HK2: variants seen among roughly 807,000 people sequenced by gnomAD.
The protein encoded by HK2 is hexokinase 2, also known as hexokinase-2.
In HK2, 42 loss-of-function variants were observed where a neutral mutation model predicts 92.9. That is an observed-to-expected ratio of 0.45 (90% CI 0.35 to 0.58). The LOEUF is 0.58. Ranked by LOEUF, HK2 falls within the 20% of genes least tolerant of loss-of-function variation. HK2 has a pLI of 0.00. For missense variants in HK2, 978 were observed against 1,245.1 expected (o/e 0.79, Z 3.23); for synonymous variants, 422 against 468.0 (o/e 0.90, Z 1.27).
intron 15 of HK2, 55 bp from the exon 16 acceptor site, chr2:74,887,848 C>G (rs1689575657): frequency 6.3e-7 from 1 of 1,584,508 alleles, no homozygotes; most frequent in Non-Finnish European, 8.7e-7. Context: ...TGTCCTGTCT[C>G]AACACATCCC....
At chr2:74,861,234 A>G (rs1352170690) in intron 2 of HK2, among the ~76,000 whole-genome samples, 5 of 152,164 alleles carry the variant, frequency 3.3e-5, no homozygotes, top group African/African-American at 1.2e-4. Flanking sequence ...AGCCTGGCCA[A>G]CATGTTGAAA....
chr2:74,889,702 A>T (rs1391299880), intron 17 of HK2, among the ~76,000 whole-genome samples: 3 of 152,014 alleles, frequency 2.0e-5, no homozygotes, highest in African/African-American at 7.2e-5. Flanking sequence ...CTGTGTCATC[A>T]TTCTCCCATG....
chr2:74,880,470 A>G lies in HK2; in HGVS notation c.1471A>G (p.Met491Val), dbSNP rs1201566005. The change falls in exon 10 of 18, where the codon ATG becomes GTG. Residue 491 changes from methionine (M) to valine (V), a missense_variant. By Grantham distance (21) the Met-to-Val change is conservative (BLOSUM62 1). Coordinates refer to ENST00000290573, the MANE Select transcript of HK2 (RefSeq NM_000189.5). ...CCAGCTGCTGGAGGTCAAGAGGAGG[A>G]TGAAGGTAGAAATGGAGCGAGGTCT... ...HDQLLEVKRR[M>V]KVEMERGLSK... The G allele has an allele frequency of 2.5e-6, 4 of 1,614,176 alleles. No individual in the cohort carries two copies. The highest frequency in any genetic ancestry group is 2.5e-6 in the Non-Finnish European group (3 of 1,180,026).
intron 4 of HK2, 133 bp downstream of exon 4, chr2:74,872,552 G>T: frequency 1.1e-6 from 1 of 931,186 alleles, no homozygotes; most frequent in East Asian, 4.9e-5. Context: ...GCCTTTCTGG[G>T]TGACTGTGTA....
At chr2:74,850,568 G>C (rs547627028) in intron 1 of HK2, among the ~76,000 whole-genome samples, 5 of 152,240 alleles carry the variant, frequency 3.3e-5, no homozygotes, top group Admixed American at 2.6e-4. Flanking sequence ...ATACTTTTCA[G>C]CTGCAGTCCC....
intron 2 of HK2, among the ~76,000 whole-genome samples, chr2:74,861,184 T>C (rs1455399702): frequency 1.3e-5 from 2 of 152,128 alleles, no homozygotes; most frequent in Admixed American, 1.3e-4. Flanking sequence ...TCCTAACACT[T>C]TGGGAGGCCA....
chr2:74,874,095 A>T, intron 6 of HK2, 152 bp downstream of exon 6: 1 of 984,152 alleles, frequency 1.0e-6, no homozygotes. Context: ...GCAGGGACTC[A>T]TGGAGTTGGG....
rs150577922 is a variant in HK2, at chr2:74,859,476, G to A, written c.226+5021G>A. Reference sequence around the variant, plus strand: ...CTGAGGCGGGCAGATCACAAGGTCAGGAGATCGAGATCATCCTGGCTAACA... The same window carrying A: ...CTGAGGCGGGCAGATCACAAGGTCAAGAGATCGAGATCATCCTGGCTAACA... On this transcript the variant is annotated intron_variant, in intron 2 of 17. Transcript: ENST00000290573. 6.3e-3 allele frequency among the ~76,000 whole-genome samples: 955 copies of A among 152,290 alleles called. 12 individuals carry two copies. The highest frequency in any genetic ancestry group is 0.021 in the African/African-American group (881 of 41,564).
At chr2:74,854,796 G>C (rs551775683) in intron 2 of HK2, among the ~76,000 whole-genome samples, 6 of 152,160 alleles carry the variant, frequency 3.9e-5, no homozygotes, top group East Asian at 1.9e-4. Flanking sequence ...TACAACAAAC[G>C]TACCTCACGT....
At chr2:74,855,600 G>A (rs115106243) in intron 2 of HK2, among the ~76,000 whole-genome samples, 3,063 of 152,312 alleles carry the variant, frequency 0.02, 112 homozygotes, top group African/African-American at 0.071. Flanking sequence ...AAAGGATCAC[G>A]GTGGAGATTC....
In HK2 at chr2:74,860,279, C is replaced by T. The variant is rs192962333; in HGVS notation, c.226+5824C>T. Among the ~76,000 whole-genome samples the T allele has an allele frequency of 2.8e-4, 43 of 152,234 alleles. 1 individual carries two copies. In the East Asian group the frequency reaches 7.7e-3, roughly 27 times the overall value. On this transcript the variant is annotated intron_variant, in intron 2 of 17. Coordinates refer to ENST00000290573, the MANE Select transcript of HK2 (RefSeq NM_000189.5). Reference sequence around the variant, plus strand: ...TTGGATACACTAAAAGCCCTCACTTCACCATTGTGCAGTATATCCATGTAA... The same window carrying T: ...TTGGATACACTAAAAGCCCTCACTTTACCATTGTGCAGTATATCCATGTAA...
At chr2:74,871,750 A>G (rs1368247555) in intron 3 of HK2, among the ~76,000 whole-genome samples, 1 of 152,232 alleles carries the variant, frequency 6.6e-6, no homozygotes, top group Non-Finnish European at 1.5e-5. Flanking sequence ...TGGAGAAAAA[A>G]ATATAAAAAT....
intron 3 of HK2, 70 bp downstream of exon 3, chr2:74,867,854 T>G: frequency 6.4e-6 from 10 of 1,567,602 alleles, no homozygotes; most frequent in Non-Finnish European, 8.8e-6. Flanking sequence ...CTGTACTTTC[T>G]CCAGCCGCTC....
At chr2:74,865,626 G>A (rs1022444045) in intron 2 of HK2, among the ~76,000 whole-genome samples, 2 of 152,146 alleles carry the variant, frequency 1.3e-5, no homozygotes, top group Non-Finnish European at 2.9e-5. Flanking sequence ...AACCCCAGAT[G>A]AGGGCGATGT....
At position 74,878,438 on chromosome 2, in the gene HK2, T is replaced by C. The variant is rs555572002; in HGVS notation, c.1032-250T>C. 5.9e-3 allele frequency among the ~76,000 whole-genome samples: 841 copies of C among 143,408 alleles called. 5 individuals carry two copies. The highest frequency in any genetic ancestry group is 0.023 in the South Asian group (106 of 4,606). 94.1% of individuals were successfully genotyped at this position (143,408 alleles called of 152,430 possible). A position where few individuals can be genotyped will look rare whatever the true frequency, so the allele number is the denominator to read the frequency against. On this transcript the variant is annotated intron_variant, in intron 8 of 17. Coordinates refer to ENST00000290573, the MANE Select transcript of HK2 (RefSeq NM_000189.5). The stretch of plus-strand genomic sequence containing the variant: ...CTGTGTGTGTGTGTGTGTGTGTGTG[T>C]GCGCACGCACATGCGTGTGCGTGTG...
At position 74,878,773 on chromosome 2, in the gene HK2, C is replaced by T. The variant is rs199992983; in HGVS notation, c.1117C>T (p.Arg373Trp). 52 of 1,583,748 alleles carry T rather than the reference C, an allele frequency of 3.3e-5. No individual in the cohort carries two copies. The highest frequency in any genetic ancestry group is 4.0e-5 in the Non-Finnish European group (47 of 1,165,186). Residue 373 changes from arginine to tryptophan, a missense_variant, in exon 9 of 18, where the codon CGG becomes TGG. Transcript: ENST00000290573. ...TCAGGAGGACTGCGTGGCCACTCAC[C>T]GGATCTGCCAGATCGTGTCCACACG... is the stretch of plus-strand genomic sequence containing the variant. ...PTQEDCVATH[R>W]ICQIVSTRSA...
rs930552093 is a variant in HK2, at chr2:74,873,841, C to T, written c.592-3C>T. ...GTCAGAGCCCTCCCATTTGTCTCCA[C>T]AGGACTTTGATATCGACATTGTGGC... On this transcript the variant is annotated splice_region_variant and splice_polypyrimidine_tract_variant and intron_variant, in intron 5 of 17. Transcript: ENST00000290573. 1 of 1,612,156 alleles carries T rather than the reference C, an allele frequency of 6.2e-7. No individual in the cohort carries two copies. The highest frequency in any genetic ancestry group is 1.3e-5 in the African/African-American group (1 of 74,816).
chr2:74,834,616 G>C lies in HK2; in HGVS notation c.36G>C (p.Thr12=), dbSNP rs557648610. Residue 12 remains threonine, a synonymous_variant, in exon 1 of 18, where the codon ACG becomes ACC. Transcript: ENST00000290573. The surrounding 1 kb of genome is among the most constrained non-coding windows in gnomAD (Gnocchi z 4.2). ...IASHLLAYFF[T]ELNHDQVQKV... is the part of the protein sequence containing the mutation. ...CGCATCTGCTTGCCTACTTCTTCAC[G>C]GAGCTCAACCATGACCAAGTGCAGA... 3 of 1,613,806 alleles carry C rather than the reference G, an allele frequency of 1.9e-6. No individual in the cohort carries two copies. The African/African-American group carries it at 4.0e-5, about 22-fold the overall frequency.
At chr2:74,854,599 G>T in intron 2 of HK2, 144 bp downstream of exon 2, 1 of 894,818 alleles carries the variant, frequency 1.1e-6, no homozygotes. Flanking sequence ...GGAAGGCTGT[G>T]TGACGGATGG....
Sources: gnomAD v4.1 joint callset for allele counts (sites outside exome capture counted in the v4.1 genomes callset) on GRCh38, gnomAD v4.1.1 for gene constraint, Gnocchi (gnomAD v3.1) non-coding constraint, MANE v1.5 for transcripts, NCBI Gene and HGNC (gene_info 2026-07-23, HGNC 2026-07-21) for gene names.